Variants in KCNQ5 observed in about 807,000 individuals in gnomAD.
The protein encoded by KCNQ5 is potassium voltage-gated channel subfamily KQT member 5.
In KCNQ5, 30 loss-of-function variants were observed where a neutral mutation model predicts 98.2. That is an observed-to-expected ratio of 0.31 (90% confidence interval 0.23 to 0.41). The LOEUF is 0.41. Ranked by LOEUF, KCNQ5 falls within the 10% of genes least tolerant of loss-of-function variation. The probability of loss-of-function intolerance (pLI) is 1.00; values close to 1 mark genes in which losing one functional copy is unlikely to be tolerated. For missense variants in KCNQ5, 835 were observed against 1,182.5 expected (o/e 0.71, Z 4.31); for synonymous variants, 458 against 449.4 (o/e 1.02, Z -0.24).
chr6:73,137,758 T>TA (rs1269029909), intron 10 of KCNQ5, among the ~76,000 whole-genome samples: 1 of 152,166 alleles, frequency 6.6e-6, no homozygotes, highest in Non-Finnish European at 1.5e-5. Context: ...CTAGCAGGTA[T>TA]AAGTAAAGGA....
At chr6:73,117,547 C>T (rs1251789664) in intron 7 of KCNQ5, among the ~76,000 whole-genome samples, 1 of 152,228 alleles carries the variant, frequency 6.6e-6, no homozygotes, top group African/African-American at 2.4e-5. Flanking sequence ...ATAACATTCA[C>T]AGGCAATGCC....
intron 1 of KCNQ5, among the ~76,000 whole-genome samples, chr6:72,885,640 T>C (rs1358688532): frequency 1.3e-5 from 2 of 152,112 alleles, no homozygotes; most frequent in Admixed American, 6.6e-5. Flanking sequence ...GAGAGCCCCT[T>C]AAAGGCCTGA....
chr6:73,165,708 G>C (rs1304512985), intron 10 of KCNQ5, among the ~76,000 whole-genome samples: 1 of 152,102 alleles, frequency 6.6e-6, no homozygotes, highest in East Asian at 1.9e-4. Flanking sequence ...ACTTTGGGAG[G>C]CTGAGGTGGG....
At chr6:73,170,304 T>TAC (rs1777957931) in intron 11 of KCNQ5, among the ~76,000 whole-genome samples, 1 of 152,164 alleles carries the variant, frequency 6.6e-6, no homozygotes. Flanking sequence ...GACTTAGTCT[T>TAC]ATTATCTGAA....
chr6:72,648,513 C>T (rs955621651), intron 1 of KCNQ5, among the ~76,000 whole-genome samples: 5 of 151,698 alleles, frequency 3.3e-5, no homozygotes, highest in Admixed American at 2.6e-4. Context: ...TAGTGTGAGA[C>T]GAACTATGCA....
intron 1 of KCNQ5, among the ~76,000 whole-genome samples, chr6:72,943,638 G>C (rs1766408900): frequency 1.3e-5 from 2 of 152,176 alleles, no homozygotes; most frequent in Admixed American, 6.5e-5. Flanking sequence ...CATTTGAGGA[G>C]ACACAGTGGC....
At chr6:73,122,238 G>T (rs1278945413) in intron 8 of KCNQ5, among the ~76,000 whole-genome samples, 1 of 152,150 alleles carries the variant, frequency 6.6e-6, no homozygotes, top group African/African-American at 2.4e-5. Context: ...AATCTGAGTA[G>T]GAAAACTGAT....
At chr6:72,833,049 A>G (rs1296691716) in intron 1 of KCNQ5, among the ~76,000 whole-genome samples, 1 of 152,202 alleles carries the variant, frequency 6.6e-6, no homozygotes, top group African/African-American at 2.4e-5. Context: ...GCACGTGGAA[A>G]TAATATTTTA....
intron 1 of KCNQ5, among the ~76,000 whole-genome samples, chr6:73,002,956 C>T (rs928728264): frequency 3.3e-5 from 5 of 152,120 alleles, no homozygotes; most frequent in Non-Finnish European, 2.9e-5. Flanking sequence ...CTAACTTCAC[C>T]ATCATCCAGA....
In KCNQ5 at chr6:72,852,640, A is replaced by AATAAATAAATATATAT. The variant is rs1026407821; in HGVS notation, c.399-151265_399-151264insAATAAATATATATATA. Among the ~76,000 whole-genome samples, 156 of 56,790 alleles carry AATAAATAAATATATAT rather than the reference A, an allele frequency of 2.7e-3. 11 individuals are homozygous for AATAAATAAATATATAT. The East Asian group carries it at 0.056, about 20-fold the overall frequency. The allele number at this position is 56,790 out of a possible 152,430, so 37.3% of individuals were successfully genotyped here. A position where few individuals can be genotyped will look rare whatever the true frequency, so the allele number is the denominator to read the frequency against. On this transcript the variant is annotated intron_variant, in intron 1 of 13. Transcript: ENST00000370398. ...AGTGGAGAGAAGGAGATGAAGGGGAAATATATATATATATATATATAAATG... is the reference window on the plus strand; with the variant it reads ...AGTGGAGAGAAGGAGATGAAGGGGAAATAAATAAATATATATATATATATATATATATATATAAATG...
rs373714210 is a variant in KCNQ5, at chr6:72,700,897, A to G, written c.398+78310A>G. Among the ~76,000 whole-genome samples, 4 of 152,328 alleles carry G rather than the reference A, an allele frequency of 2.6e-5. No individual in the cohort carries two copies. The East Asian group carries it at 7.7e-4, about 29-fold the overall frequency. On this transcript the variant is annotated intron_variant, in intron 1 of 13. Coordinates refer to ENST00000370398, the MANE Select transcript of KCNQ5 (RefSeq NM_019842.4). ...GGTTTTCTTTCTGCCTTAATTGACC[A>G]GATAAAAAAGAAGTATTAATATTAC...
At chr6:73,112,578 C>A (rs1022876732) in intron 7 of KCNQ5, among the ~76,000 whole-genome samples, 1 of 152,168 alleles carries the variant, frequency 6.6e-6, no homozygotes, top group African/African-American at 2.4e-5. Flanking sequence ...ATCTCTCAAC[C>A]TCGTGATCCG....
chr6:72,632,263 A>G (rs1418002321), intron 1 of KCNQ5, among the ~76,000 whole-genome samples: 2 of 148,422 alleles, frequency 1.3e-5, no homozygotes, highest in East Asian at 2.0e-4. Context: ...TCAGCCTCCC[A>G]AGTAGCAGGG....
chr6:72,655,777 A>T (rs1766160173), intron 1 of KCNQ5, among the ~76,000 whole-genome samples: 1 of 152,168 alleles, frequency 6.6e-6, no homozygotes, highest in Non-Finnish European at 1.5e-5. Flanking sequence ...TAGGGGAATA[A>T]CATTACTGGA....
chr6:72,921,577 G>A (rs1780402504), intron 1 of KCNQ5, among the ~76,000 whole-genome samples: 2 of 152,156 alleles, frequency 1.3e-5, no homozygotes, highest in Admixed American at 6.5e-5. Context: ...GCTTGCATGA[G>A]AGATTCTCTT....
intron 1 of KCNQ5, among the ~76,000 whole-genome samples, chr6:72,683,583 G>T (rs1359427659): frequency 6.6e-6 from 1 of 151,816 alleles, no homozygotes; most frequent in African/African-American, 2.4e-5. Flanking sequence ...TAGCCAGGAT[G>T]GTCTTGATTT....
intron 10 of KCNQ5, among the ~76,000 whole-genome samples, chr6:73,153,461 T>C (rs961851186): frequency 6.6e-6 from 1 of 152,182 alleles, no homozygotes; most frequent in African/African-American, 2.4e-5. Flanking sequence ...TGTGCATCTT[T>C]GTATGTGTGT....
chr6:72,635,447 T>C (rs1046423186), intron 1 of KCNQ5, among the ~76,000 whole-genome samples: 4 of 152,214 alleles, frequency 2.6e-5, no homozygotes, highest in Non-Finnish European at 4.4e-5. Flanking sequence ...TTAAGTCTCA[T>C]AATGGCTGAA....
At chr6:72,651,546 T>A (rs373325021) in intron 1 of KCNQ5, among the ~76,000 whole-genome samples, 1 of 152,098 alleles carries the variant, frequency 6.6e-6, no homozygotes. Flanking sequence ...AGTATACTTG[T>A]TAAATTGTTG....
Sources: gnomAD v4.1 joint callset for allele counts (sites outside exome capture counted in the v4.1 genomes callset) on GRCh38, gnomAD v4.1.1 for gene constraint, MANE v1.5 for transcripts, NCBI Gene and HGNC (gene_info 2026-07-23, HGNC 2026-07-21) for gene names.